The following NCAN variants were observed in gnomAD, a reference collection of about 807,000 sequenced individuals.
NCAN encodes neurocan, also known as neurocan core protein.
NCAN carries 47 observed loss-of-function variants against 121.8 expected under a neutral mutation model. The observed-to-expected ratio is 0.39, with a 90% CI of 0.31 to 0.49. The LOEUF is 0.49. NCAN is among the 20% of genes least tolerant of loss of function. The pLI is 0.92. For missense variants in NCAN, 1,517 were observed against 1,773.4 expected, an observed-to-expected ratio of 0.86 and a Z score of 2.60; for synonymous variants, 633 against 702.0, an observed-to-expected ratio of 0.90 and a Z score of 1.55.
rs1290209290 is a variant in NCAN, at chr19:19,228,342, C to G, written c.2722C>G (p.Gln908Glu). The G allele has an allele frequency of 6.2e-7, 1 of 1,613,772 alleles. No homozygotes were observed. The highest frequency in any genetic ancestry group is 8.5e-7 in the Non-Finnish European group (1 of 1,180,006). ...AGAGCCAGAGGATCAGGTGGAGACC[C>G]AGGGAACATCAGGAGCTTCAGTGCC... ...HPEPEDQVET[Q>E]GTSGASVPPH... Residue 908 changes from glutamine (Q) to glutamate (E), a missense_variant, in exon 8 of 15, where the codon CAG (glutamine) becomes GAG (glutamate). By Grantham distance (29) the Gln-to-Glu change is conservative. Coordinates refer to ENST00000252575, the MANE Select transcript of NCAN (RefSeq NM_004386.3).
chr19:19,217,889 A>G (rs2060801581), intron 2 of NCAN, among the ~76,000 whole-genome samples: 1 of 152,092 alleles, frequency 6.6e-6, no homozygotes, highest in Admixed American at 6.5e-5. Context: ...CGGGAGGCTG[A>G]GGCATGAGAA....
At chr19:19,238,504 T>G in intron 11 of NCAN, 93 bp downstream of exon 11, 1 of 1,469,498 alleles carries the variant, frequency 6.8e-7, no homozygotes, top group Non-Finnish European at 9.5e-7. Flanking sequence ...CCTCCCCTGG[T>G]TTTCAAGACG....
Position 19,225,031 on chromosome 19 carries a change from C to T in NCAN, c.833C>T (p.Ala278Val). 1 of 1,499,786 alleles carries T rather than the reference C, an allele frequency of 6.7e-7. No homozygotes were observed. The highest frequency in any genetic ancestry group is 8.8e-7 in the Non-Finnish European group (1 of 1,132,458). The allele number at this position is 1,499,786 out of a possible 1,614,324, so 92.9% of individuals were successfully genotyped here. A position where few individuals can be genotyped will look rare whatever the true frequency, so the allele number is the denominator to read the frequency against. ...ARRLTLAGAR[A>V]QCRRQGAALA... ...CGCCTGACACTGGCCGGCGCGCGTGCACAGTGCCGCCGCCAGGGTGCCGCG... is the reference window on the plus strand; with the variant it reads ...CGCCTGACACTGGCCGGCGCGCGTGTACAGTGCCGCCGCCAGGGTGCCGCG... The change falls in exon 6 of 15, where the codon GCA becomes GTA. Residue 278 changes from alanine (A) to valine (V), a missense_variant. Physicochemically the swap from Ala to Val is moderately conservative, Grantham distance 64. Transcript: ENST00000252575. This position sits in a 1 kb window ranked among gnomAD's most constrained non-coding sequence, Gnocchi z 4.0.
intron 11 of NCAN, chr19:19,238,760 A>T (rs1737480182): frequency 2.7e-6 from 1 of 365,416 alleles, no homozygotes; most frequent in South Asian, 2.3e-5. Context: ...CAAACAAGTA[A>T]ATATCTAAGT....
intron 10 of NCAN, among the ~76,000 whole-genome samples, chr19:19,235,809 G>A (rs1212049576): frequency 1.3e-5 from 2 of 151,962 alleles, no homozygotes; most frequent in African/African-American, 4.8e-5. Flanking sequence ...GCAGTGGTGC[G>A]ATCTTGGCTC....
At chr19:19,222,485 G>A (rs1352350608) in intron 3 of NCAN, among the ~76,000 whole-genome samples, 8 of 152,086 alleles carry the variant, frequency 5.3e-5, no homozygotes, top group African/African-American at 1.9e-4. Context: ...CACCACATTG[G>A]CCAGGCTGGT....
chr19:19,227,235 G>A lies in NCAN; in HGVS notation c.1661-46G>A. The A allele has an allele frequency of 6.6e-7, 1 of 1,511,028 alleles. No individual in the cohort carries two copies. The highest frequency in any genetic ancestry group is 8.8e-7 in the Non-Finnish European group (1 of 1,131,482). The allele number at this position is 1,511,028 out of a possible 1,614,324, so 93.6% of individuals were successfully genotyped here. A position where few individuals can be genotyped will look rare whatever the true frequency, so the allele number is the denominator to read the frequency against. The stretch of plus-strand genomic sequence containing the variant: ...CCTTGGGCCTGGAGTCCAACCAAAG[G>A]GGCTGCTGAGAGATCATTGTAATGA... On this transcript the variant is annotated intron_variant, in intron 7 of 14. Coordinates refer to ENST00000252575, the MANE Select transcript of NCAN (RefSeq NM_004386.3). This position sits in a 1 kb window ranked among gnomAD's most constrained non-coding sequence, Gnocchi z 4.2.
rs978067594 is a variant in NCAN, at chr19:19,227,795, C to T, written c.2175C>T (p.Ser725=). 3 of 1,613,558 alleles carry T rather than the reference C, an allele frequency of 1.9e-6. No individual in the cohort carries two copies. Among genetic ancestry groups the T allele is most frequent in the Non-Finnish European group, 2.5e-6 (3 of 1,180,026 alleles). ...QVNKAEHSSS[S]PWPSVNRNVA... ...ACAAAGCTGAGCACTCCAGCTCCAG[C>T]CCATGGCCTTCTGTAAACAGGAATG... Residue 725 remains serine, a synonymous_variant, in exon 8 of 15, where the codon AGC becomes AGT. Transcript: ENST00000252575. This position sits in a 1 kb window ranked among gnomAD's most constrained non-coding sequence, Gnocchi z 4.2.
chr19:19,215,064 T>A (rs2060791488), intron 1 of NCAN, among the ~76,000 whole-genome samples: 1 of 152,136 alleles, frequency 6.6e-6, no homozygotes, highest in South Asian at 2.1e-4. Flanking sequence ...TGAGGCATCG[T>A]GTTAGCAGGC....
intron 1 of NCAN, among the ~76,000 whole-genome samples, chr19:19,214,174 GGTGAA>G (rs1326594031): frequency 1.3e-5 from 2 of 152,070 alleles, no homozygotes; most frequent in South Asian, 2.1e-4. Flanking sequence ...TTGAGGTGGG[GGTGAA>G]GTGAAGGAGG....
chr19:19,227,891 G>A lies in NCAN; in HGVS notation c.2271G>A (p.Glu757=). The A allele has an allele frequency of 9.3e-6, 15 of 1,613,686 alleles. No homozygotes were observed. The highest frequency in any genetic ancestry group is 1.3e-5 in the Non-Finnish European group (15 of 1,180,014). ...GCCTCAGGGGTATCCCGGGGTCTGA[G>A]TCTGGGGTCTTCGACACAGCAGAAA... ...PTGLRGIPGS[E]SGVFDTAESP... The change falls in exon 8 of 15, where the codon GAG becomes GAA. Residue 757 remains glutamate, a synonymous_variant. Coordinates refer to ENST00000252575, the MANE Select transcript of NCAN (RefSeq NM_004386.3). This position sits in a 1 kb window ranked among gnomAD's most constrained non-coding sequence, Gnocchi z 4.2.
intron 13 of NCAN, among the ~76,000 whole-genome samples, chr19:19,246,800 C>T (rs1167022497): frequency 6.6e-6 from 1 of 152,078 alleles, no homozygotes; most frequent in Non-Finnish European, 1.5e-5. Context: ...CCTCAGCCTC[C>T]CAAAGTTCTG....
intron 12 of NCAN, among the ~76,000 whole-genome samples, chr19:19,244,728 CTTT>C (rs201995446): frequency 0.15 from 21,058 of 136,200 alleles, 2,590 homozygotes; most frequent in African/African-American, 0.35. Flanking sequence ...TTTTCTTTTC[CTTT>C]TTTTTTTTTT....
At position 19,220,450 on chromosome 19, in the gene NCAN, C is replaced by CTTTTTT. The variant is rs71170607; in HGVS notation, c.475+1153_475+1158dup. Among the ~76,000 whole-genome samples the CTTTTTT allele has an allele frequency of 1.3e-3, 91 of 72,690 alleles. 3 individuals are homozygous for CTTTTTT. Among genetic ancestry groups the CTTTTTT allele is most frequent in the African/African-American group, 1.7e-3 (28 of 16,612 alleles). The allele number at this position is 72,690 out of a possible 152,430, so 47.7% of individuals were successfully genotyped here. A position where few individuals can be genotyped will look rare whatever the true frequency, so the allele number is the denominator to read the frequency against. On this transcript the variant is annotated intron_variant, in intron 3 of 14. Coordinates refer to ENST00000252575, the MANE Select transcript of NCAN (RefSeq NM_004386.3). ...TTCTCAAATACCTGTTTAGGCAATT[C>CTTTTTT]TTTTTTTTTTTTTTTTTTTTTTTTG...
intron 10 of NCAN, among the ~76,000 whole-genome samples, chr19:19,237,429 C>T (rs1460996993): frequency 6.6e-6 from 1 of 150,848 alleles, no homozygotes; most frequent in Admixed American, 6.6e-5. Flanking sequence ...GTGGTGTCTA[C>T]AGTGAGCCAA....
chr19:19,238,519 CT>C (rs779418023), intron 11 of NCAN, 108 bp downstream of exon 11: 2 of 1,350,212 alleles, frequency 1.5e-6, no homozygotes, highest in East Asian at 4.7e-5. Flanking sequence ...AAGACGTCAT[CT>C]TTCCAAAGCT....
rs143415381 is a variant in NCAN at position 19,245,468 on chromosome 19, C to T, written c.3637+11C>T. ...GCAAGAAGGGCACAGGTATGCTGTG[C>T]CCCCTGCTTCTTTTCCTCTCTGTCA... On this transcript the variant is annotated intron_variant, in intron 13 of 14. Transcript: ENST00000252575. 15 of 1,608,776 alleles carry T rather than the reference C, an allele frequency of 9.3e-6. No individual in the cohort carries two copies. Among genetic ancestry groups the T allele is most frequent in the South Asian group, 8.8e-5 (8 of 90,662 alleles).
rs73537469 is a variant in NCAN, at chr19:19,219,213, G to A, written c.372G>A (p.Thr124=). 4.8e-3 allele frequency: 7,786 copies of A among 1,609,436 alleles called. 286 individuals carry two copies. In the African/African-American group the frequency reaches 0.086, roughly 18 times the overall value. Residue 124 remains threonine, a synonymous_variant, in exon 3 of 15, where the codon ACG becomes ACA. Transcript: ENST00000252575. ...ACCCCCGGCGCCGAGCCAACGCCAC[G>A]CTACTTCTGGGGCCACTGAGGGCCA... is the stretch of plus-strand genomic sequence containing the variant. The part of the protein sequence containing the change: ...PSYPRRRANA[T]LLLGPLRASD...
intron 1 of NCAN, among the ~76,000 whole-genome samples, chr19:19,214,344 C>G (rs1463226138): frequency 3.3e-5 from 5 of 152,164 alleles, no homozygotes; most frequent in African/African-American, 1.2e-4. Flanking sequence ...GGGCCCCAGA[C>G]AGCTGTGTAA....
Sources: gnomAD v4.1 joint callset for allele counts (sites outside exome capture counted in the v4.1 genomes callset) on GRCh38, gnomAD v4.1.1 for gene constraint, Gnocchi (gnomAD v3.1) non-coding constraint, MANE v1.5 for transcripts, NCBI Gene and HGNC (gene_info 2026-07-23, HGNC 2026-07-21) for gene names.